Variants in TUSC3 observed in about 807,000 individuals in gnomAD.
TUSC3 encodes tumor suppressor candidate 3.
A neutral mutation model predicts 44.8 loss-of-function variants in TUSC3; 45 were observed. The ratio of observed to expected loss-of-function variants is 1.00; its 90% CI spans 0.79 to 1.29. The LOEUF (loss-of-function observed/expected upper bound fraction) is 1.29. Ranked by LOEUF, TUSC3 falls within the 50% of genes most tolerant of loss-of-function variation. The pLI is 0.00. For synonymous variants in TUSC3, 212 were observed against 152.9 expected, an observed-to-expected ratio of 1.39 and a Z score of -2.85; for missense variants, 519 against 437.9, an observed-to-expected ratio of 1.19 and a Z score of -1.65.
chr8:15,572,841 G>C (rs935533523), intron 1 of TUSC3, among the ~76,000 whole-genome samples: 4 of 152,020 alleles, frequency 2.6e-5, no homozygotes, highest in Non-Finnish European at 5.9e-5. Context: ...GACATTTATC[G>C]ATTAAATTTG....
chr8:15,735,669 TAAAG>T (rs1810896392), intron 7 of TUSC3, among the ~76,000 whole-genome samples: 1 of 152,154 alleles, frequency 6.6e-6, no homozygotes, highest in African/African-American at 2.4e-5. Context: ...ATCATCATAA[TAAAG>T]ATACAGTGGA....
At chr8:15,623,536 C>T (rs891561290) in intron 2 of TUSC3, among the ~76,000 whole-genome samples, 3 of 151,792 alleles carry the variant, frequency 2.0e-5, no homozygotes, top group Non-Finnish European at 4.4e-5. Flanking sequence ...TCAGTTATAG[C>T]TATGGTTAAT....
Position 15,452,588 on chromosome 8 carries a change from G to C in TUSC3, n.92-30798G>C, listed in dbSNP as rs139882994. Among the ~76,000 whole-genome samples, 469 of 152,298 alleles carry C rather than the reference G, an allele frequency of 3.1e-3. 5 individuals are homozygous for C. The highest frequency in any genetic ancestry group is 0.011 in the African/African-American group (450 of 41,566). The stretch of plus-strand genomic sequence containing the variant: ...TAGTGGGAGGAGGGGAAAGCAAAAA[G>C]AGAAAGCAGATAAGCTATAAGGCAG... On this transcript the variant is annotated intron_variant and non_coding_transcript_variant, in intron 1 of 5. Transcript: ENST00000503191.
chr8:15,798,653 G>GGGA, the TUSC3 span, among the ~76,000 whole-genome samples: 3,338 of 146,712 alleles, frequency 0.023, 130 homozygotes, highest in African/African-American at 0.077. Flanking sequence ...GGTGTGTGGG[G>GGGA]GGGGTCCTCT....
chr8:15,734,807 C>G (rs1810864775), intron 7 of TUSC3, among the ~76,000 whole-genome samples: 1 of 152,070 alleles, frequency 6.6e-6, no homozygotes, highest in African/African-American at 2.4e-5. Context: ...GAAGATACAA[C>G]AGGTACACAA....
At chr8:15,782,594 T>C in the TUSC3 span, among the ~76,000 whole-genome samples, 1,511 of 152,310 alleles carry the variant, frequency 9.9e-3, 29 homozygotes, top group African/African-American at 0.034. Context: ...CACAAATCCA[T>C]AAATATAATT....
intron 2 of TUSC3, among the ~76,000 whole-genome samples, chr8:15,527,819 T>C (rs550632508): frequency 3.9e-5 from 6 of 152,340 alleles, no homozygotes; most frequent in African/African-American, 1.4e-4. Flanking sequence ...TCACTTAAAA[T>C]GCTTTTTCTG....
intron 2 of TUSC3, among the ~76,000 whole-genome samples, chr8:15,534,616 C>T (rs1160876661): frequency 1.2e-4 from 18 of 146,318 alleles, no homozygotes; most frequent in Non-Finnish European, 3.0e-5. Context: ...GCACTCCAGC[C>T]TAGGTGACAG....
intron 1 of TUSC3, among the ~76,000 whole-genome samples, chr8:15,565,386 G>T (rs1405986891): frequency 1.3e-5 from 2 of 152,082 alleles, no homozygotes; most frequent in South Asian, 2.1e-4. Context: ...GTCACATCTT[G>T]TGTCAGGTAA....
chr8:15,540,617 G>T, intron 1 of TUSC3, 49 bp downstream of exon 1: 1 of 1,491,090 alleles, frequency 6.7e-7, no homozygotes, highest in Non-Finnish European at 9.0e-7. Flanking sequence ...GCGGGCCAGG[G>T]TGGGCCGCGT....
chr8:15,793,944 G>C, the TUSC3 span, among the ~76,000 whole-genome samples: 1 of 152,174 alleles, frequency 6.6e-6, no homozygotes, highest in Non-Finnish European at 1.5e-5. Context: ...GGTCAGTGTG[G>C]CTAGAGCAAA....
At chr8:15,539,041 C>T (rs536446726), upstream of TUSC3, among the ~76,000 whole-genome samples, 286 of 150,730 alleles carry the variant, frequency 1.9e-3, no homozygotes, top group African/African-American at 6.7e-3. Context: ...TTCGTAAAGA[C>T]AAGGTCTCAC....
chr8:15,611,258 C>G (rs187366560), intron 1 of TUSC3, among the ~76,000 whole-genome samples: 1 of 152,166 alleles, frequency 6.6e-6, no homozygotes, highest in Non-Finnish European at 1.5e-5. Flanking sequence ...GTGATCTCGG[C>G]TCACTGCAAA....
chr8:15,749,651 A>C (rs983361074), intron 9 of TUSC3, among the ~76,000 whole-genome samples: 2 of 151,354 alleles, frequency 1.3e-5, no homozygotes, highest in Non-Finnish European at 2.9e-5. Flanking sequence ...TTTACTCTTG[A>C]CTTTAGAGAG....
chr8:15,843,825 A>T, the TUSC3 span, among the ~76,000 whole-genome samples: 1 of 152,020 alleles, frequency 6.6e-6, no homozygotes, highest in African/African-American at 2.4e-5. Context: ...TTGTCCTTGA[A>T]TATCTCATGT....
intron 7 of TUSC3, among the ~76,000 whole-genome samples, chr8:15,737,711 C>CA (rs1029496421): frequency 1.3e-5 from 2 of 151,970 alleles, no homozygotes; most frequent in African/African-American, 4.8e-5. Flanking sequence ...ATTTAATGAC[C>CA]AAAAAAGAAC....
chr8:15,444,543 G>T (rs1800065799), intron 1 of TUSC3, among the ~76,000 whole-genome samples: 1 of 152,150 alleles, frequency 6.6e-6, no homozygotes, highest in Non-Finnish European at 1.5e-5. Flanking sequence ...TGACGAACCT[G>T]ATCAGATAGG....
intron 5 of TUSC3, among the ~76,000 whole-genome samples, chr8:15,667,162 T>C (rs1314776800): frequency 1.3e-5 from 2 of 151,660 alleles, no homozygotes; most frequent in Non-Finnish European, 3.0e-5. Context: ...TTATAAATAC[T>C]TGTTGAAATT....
chr8:15,694,369 G>T (rs1157504820), intron 6 of TUSC3, among the ~76,000 whole-genome samples: 1 of 150,304 alleles, frequency 6.7e-6, no homozygotes, highest in Non-Finnish European at 1.5e-5. Flanking sequence ...TTGAACCTGG[G>T]AGGCTGCAAT....
Sources: gnomAD v4.1 joint callset for allele counts (sites outside exome capture counted in the v4.1 genomes callset) on GRCh38, gnomAD v4.1.1 for gene constraint, MANE v1.5 for transcripts, NCBI Gene and HGNC (gene_info 2026-07-23, HGNC 2026-07-21) for gene names.